The following NPAT variants were observed in gnomAD, a reference collection of about 807,000 sequenced individuals.
NPAT encodes the protein nuclear protein, coactivator of histone transcription, also known as protein NPAT.
In NPAT, 52 loss-of-function variants were observed where a neutral mutation model predicts 130.7. The ratio of observed to expected loss-of-function variants is 0.40; its 90% confidence interval spans 0.32 to 0.50. The LOEUF (loss-of-function observed/expected upper bound fraction) is 0.50, where lower values mean the gene tolerates loss of function less well. Ranked by LOEUF, NPAT falls within the 20% of genes least tolerant of loss-of-function variation. NPAT has a pLI of 0.68. For synonymous variants in NPAT, 580 were observed against 584.8 expected (o/e 0.99, Z 0.12); for missense variants, 1,687 against 1,662.6 (o/e 1.01, Z -0.26).
chr11:108,183,781 C>A (rs112432087), intron 10 of NPAT, among the ~76,000 whole-genome samples: 3,272 of 151,796 alleles, frequency 0.022, 118 homozygotes, highest in African/African-American at 0.074. Context: ...GGTGACACAG[C>A]GAGACACCAC....
Position 108,185,339 on chromosome 11 carries a change from A to T in NPAT, c.819-20T>A. Reference sequence around the variant, plus strand: ...TTATCACTGTTAATAAAGAAAGAAAAATCTTTATTATAGTTATGCAATTAG... The same window carrying T: ...TTATCACTGTTAATAAAGAAAGAAATATCTTTATTATAGTTATGCAATTAG... On this transcript the variant is annotated intron_variant, in intron 9 of 17. Transcript: ENST00000278612. The T allele has an allele frequency of 6.3e-7, 1 of 1,583,008 alleles. No individual in the cohort carries two copies. Among genetic ancestry groups the T allele is most frequent in the Non-Finnish European group, 8.7e-7 (1 of 1,154,898 alleles).
At chr11:108,170,173 C>A in intron 13 of NPAT, 130 bp from the exon 14 acceptor site, 12 of 624,758 alleles carry the variant, frequency 1.9e-5, no homozygotes, top group East Asian at 3.1e-5. Context: ...CCTTACGATC[C>A]ACTCTCCAAA....
At position 108,174,449 on chromosome 11, in the gene NPAT, A is replaced by G. The variant is rs553854297; in HGVS notation, c.1133-598T>C. 3.9e-5 allele frequency among the ~76,000 whole-genome samples: 6 copies of G among 152,200 alleles called. No homozygotes were observed. In the South Asian group the frequency reaches 1.2e-3, roughly 32 times the overall value. ...TCTCTAATCTTGGAGAGGTTAGTCAAGGAACCAACTATAGAACAGAAAGTC... is the reference window on the plus strand; with the variant it reads ...TCTCTAATCTTGGAGAGGTTAGTCAGGGAACCAACTATAGAACAGAAAGTC... On this transcript the variant is annotated intron_variant, in intron 12 of 17. Coordinates refer to ENST00000278612, the MANE Select transcript of NPAT (RefSeq NM_002519.3).
chr11:108,187,771 T>C (rs1182996586), intron 7 of NPAT, among the ~76,000 whole-genome samples: 1 of 151,994 alleles, frequency 6.6e-6, no homozygotes, highest in Non-Finnish European at 1.5e-5. Flanking sequence ...GCATAGAACA[T>C]AACTGTATTA....
At chr11:108,198,353 C>T (rs918522491) in intron 1 of NPAT, among the ~76,000 whole-genome samples, 1 of 152,088 alleles carries the variant, frequency 6.6e-6, no homozygotes, top group African/African-American at 2.4e-5. Flanking sequence ...TAGGGAAATC[C>T]AGACATTAGA....
intron 3 of NPAT, among the ~76,000 whole-genome samples, chr11:108,193,258 C>T (rs1343540808): frequency 6.6e-6 from 1 of 152,126 alleles, no homozygotes; most frequent in East Asian, 1.9e-4. Flanking sequence ...ACTTAGACTA[C>T]ATAGAATTAA....
intron 15 of NPAT, among the ~76,000 whole-genome samples, chr11:108,163,415 T>C (rs1025985781): frequency 1.3e-5 from 2 of 152,070 alleles, no homozygotes; most frequent in African/African-American, 4.8e-5. Flanking sequence ...GATGCATGAA[T>C]AGGTTTATGT....
At chr11:108,181,289 C>T (rs1229090019) in intron 10 of NPAT, among the ~76,000 whole-genome samples, 1 of 152,156 alleles carries the variant, frequency 6.6e-6, no homozygotes, top group East Asian at 1.9e-4. Context: ...CATGGCAAAA[C>T]CCTGTCTCTA....
chr11:108,203,423 C>G (rs1478211733), intron 1 of NPAT, among the ~76,000 whole-genome samples: 2 of 152,164 alleles, frequency 1.3e-5, no homozygotes, highest in African/African-American at 2.4e-5. Context: ...ATACTTCTTT[C>G]TACTCCTATG....
chr11:108,201,261 A>C (rs1037297766), intron 1 of NPAT, among the ~76,000 whole-genome samples: 2 of 152,194 alleles, frequency 1.3e-5, no homozygotes, highest in Admixed American at 6.5e-5. Context: ...TCCTCTCCCC[A>C]AAACCCTCAA....
chr11:108,219,669 T>C (rs76110388), intron 1 of NPAT, among the ~76,000 whole-genome samples: 12,578 of 152,256 alleles, frequency 0.083, 562 homozygotes, highest in Admixed American at 0.099. Flanking sequence ...CAGAAACTGA[T>C]GGTAGTGATG....
intron 13 of NPAT, among the ~76,000 whole-genome samples, chr11:108,170,981 T>C (rs985348570): frequency 6.6e-6 from 1 of 151,920 alleles, no homozygotes; most frequent in Non-Finnish European, 1.5e-5. Flanking sequence ...AACCAACACA[T>C]AAGGAAATGT....
At chr11:108,186,670 C>G in intron 7 of NPAT, 101 bp from the exon 8 acceptor site, 1 of 965,542 alleles carries the variant, frequency 1.0e-6, no homozygotes, top group Non-Finnish European at 1.6e-6. Context: ...CATAACAGAA[C>G]AGATACAGTT....
chr11:108,192,209 G>T lies in NPAT; in HGVS notation c.218-19C>A, dbSNP rs1469298551. On this transcript the variant is annotated intron_variant, in intron 3 of 17. Transcript: ENST00000278612. ...GATGTTTCTAAATCATAGGAGAAAA[G>T]GTTCTTAATAAACCCAGCTGAAGAA... 1 of 1,518,288 alleles carries T rather than the reference G, an allele frequency of 6.6e-7. No individual in the cohort carries two copies. The highest frequency in any genetic ancestry group is 9.1e-7 in the Non-Finnish European group (1 of 1,093,096). 94.1% of individuals were successfully genotyped at this position (1,518,288 alleles called of 1,614,324 possible). A position where few individuals can be genotyped will look rare whatever the true frequency, so the allele number is the denominator to read the frequency against.
At chr11:108,195,924 G>C (rs1459268256) in intron 2 of NPAT, among the ~76,000 whole-genome samples, 1 of 152,178 alleles carries the variant, frequency 6.6e-6, no homozygotes, top group Admixed American at 6.5e-5. Context: ...ATTGGGTCTG[G>C]CCCAGCCTAT....
At chr11:108,188,683 C>T (rs1444527186) in intron 6 of NPAT, among the ~76,000 whole-genome samples, 1 of 152,130 alleles carries the variant, frequency 6.6e-6, no homozygotes, top group Non-Finnish European at 1.5e-5. Context: ...TAAGGATATT[C>T]CTAACTCTAA....
chr11:108,161,247 TTA>T lies in NPAT; in HGVS notation c.3837_3838del (p.His1279GlnfsTer13). The T allele has an allele frequency of 6.2e-7, 1 of 1,614,154 alleles. No individual in the cohort carries two copies. Among genetic ancestry groups the T allele is most frequent in the South Asian group, 1.1e-5 (1 of 91,088 alleles). On this transcript the variant is annotated frameshift_variant, in exon 17 of 18. Coordinates refer to ENST00000278612, the MANE Select transcript of NPAT (RefSeq NM_002519.3). LOFTEE classifies it high-confidence loss of function. Reference sequence around the variant, plus strand: ...CTTGATAATATCTATAGGTTCTTCTTTATGTTTTTCCCCTGCCCCTGAGCCAG... The same window carrying T: ...CTTGATAATATCTATAGGTTCTTCTTTGTTTTTCCCCTGCCCCTGAGCCAG...
At position 108,169,757 on chromosome 11, in the gene NPAT, G is replaced by T. The variant is rs34052882; in HGVS notation, c.2997C>A (p.Asn999Lys). Residue 999 changes from asparagine (N) to lysine (K), a missense_variant, in exon 15 of 18, where the codon AAC becomes AAA. Asn to Lys is a moderately conservative substitution (Grantham distance 94). Around this residue, in one of 3 missense-constraint regions of NPAT, gnomAD observed 1,379 missense variants for 1,346.6 expected, o/e 1.02. Transcript: ENST00000278612. ...PKSQKAQGLR[N>K]KPCIGKQVNN... ...TAAAAATGGTACCTATACAAGGCTT[G>T]TTTCTTAGTCCCTGAGCCTTCTGAG... The T allele has an allele frequency of 0.085, 136,608 of 1,607,806 alleles. 6,509 individuals are homozygous for T. Among genetic ancestry groups the T allele is most frequent in the Non-Finnish European group, 0.097 (113,687 of 1,174,202 alleles).
At chr11:108,172,117 C>T (rs762234780) in intron 13 of NPAT, 82 bp downstream of exon 13, 126 of 1,170,316 alleles carry the variant, frequency 1.1e-4, no homozygotes, top group Non-Finnish European at 1.7e-5. Flanking sequence ...TTAGTTATTA[C>T]TTCGCAGTCA....
Sources: allele counts gnomAD v4.1 joint callset (sites outside exome capture counted in the v4.1 genomes callset), GRCh38; gene constraint gnomAD v4.1.1; regional missense constraint gnomAD v4.1.1; transcripts MANE v1.5; gene names NCBI Gene and HGNC (gene_info 2026-07-23, HGNC 2026-07-21).